MARCHF5: variants seen among roughly 807,000 people sequenced by gnomAD.
The protein encoded by MARCHF5 is membrane associated ring-CH-type finger 5.
In MARCHF5, 5 loss-of-function variants were observed where a neutral mutation model predicts 36.5. The ratio of observed to expected loss-of-function variants is 0.14; its 90% confidence interval spans 0.07 to 0.29. The LOEUF is 0.29. Among genes scored for constraint, MARCHF5 ranks in the 10% least tolerant of loss-of-function variants. The probability of loss-of-function intolerance (pLI) is 1.00; values close to 1 mark genes in which losing one functional copy is unlikely to be tolerated. For synonymous variants in MARCHF5, 103 were observed against 109.9 expected, an observed-to-expected ratio of 0.94 and a Z score of 0.39; for missense variants, 179 against 336.3, an observed-to-expected ratio of 0.53 and a Z score of 3.66.
intron 2 of MARCHF5, among the ~76,000 whole-genome samples, chr10:92,317,512 G>A (rs1410934811): frequency 2.6e-5 from 4 of 151,956 alleles, no homozygotes; most frequent in African/African-American, 9.7e-5. Flanking sequence ...TGTGTAAATG[G>A]AATTGTTTTC....
At chr10:92,308,855 C>T (rs1373174308) in intron 1 of MARCHF5, among the ~76,000 whole-genome samples, 1 of 152,016 alleles carries the variant, frequency 6.6e-6, no homozygotes, top group African/African-American at 2.4e-5. Context: ...CAGACACCCG[C>T]CACCATGCCC....
chr10:92,346,871 A>C (rs1015694177), intron 3 of MARCHF5, among the ~76,000 whole-genome samples: 10 of 152,126 alleles, frequency 6.6e-5, no homozygotes, highest in African/African-American at 2.4e-4. Flanking sequence ...TGTTCGCTCT[A>C]GTCTATACCT....
intron 2 of MARCHF5, among the ~76,000 whole-genome samples, chr10:92,336,058 G>A (rs973518113): frequency 2.6e-5 from 4 of 152,020 alleles, no homozygotes; most frequent in African/African-American, 7.2e-5. Flanking sequence ...TTTCTGAGAC[G>A]GAGTTTCGCT....
chr10:92,340,152 A>G (rs139706496), intron 2 of MARCHF5, among the ~76,000 whole-genome samples: 5 of 152,156 alleles, frequency 3.3e-5, no homozygotes, highest in African/African-American at 4.8e-5. Flanking sequence ...AGCAAGCTGA[A>G]ATGACCATTT....
chr10:92,291,561 GC>G, intron 1 of MARCHF5, 32 bp downstream of exon 1: 1 of 1,520,052 alleles, frequency 6.6e-7, no homozygotes, highest in Non-Finnish European at 8.8e-7. Context: ...ACCGGGAGCC[GC>G]CGACCCTCGC....
At chr10:92,332,381 A>G (rs757044259) in intron 2 of MARCHF5, among the ~76,000 whole-genome samples, 1 of 152,134 alleles carries the variant, frequency 6.6e-6, no homozygotes, top group African/African-American at 2.4e-5. Context: ...CAGAGCAGTC[A>G]ATCAGAGATG....
intron 2 of MARCHF5, among the ~76,000 whole-genome samples, chr10:92,327,364 C>A (rs1053503972): frequency 6.9e-6 from 1 of 144,292 alleles, no homozygotes; most frequent in African/African-American, 2.6e-5. Context: ...AAAAAAAAAA[C>A]TGTGTTCATA....
intron 2 of MARCHF5, among the ~76,000 whole-genome samples, chr10:92,319,297 C>CTTTTTTTTTTTTTTTTT (rs35540447): frequency 7.0e-6 from 1 of 142,388 alleles, no homozygotes; most frequent in East Asian, 2.0e-4. Flanking sequence ...ATCTACTTTA[C>CTTTTTTTTTTTTTTTTT]TTTTTTTTTT....
intron 1 of MARCHF5, among the ~76,000 whole-genome samples, chr10:92,294,076 G>A (rs984709769): frequency 2.6e-5 from 4 of 151,912 alleles, no homozygotes; most frequent in African/African-American, 9.7e-5. Flanking sequence ...TTTCTGTAGG[G>A]TAGAGCCTGG....
chr10:92,334,055 T>G (rs1329072313), intron 2 of MARCHF5, among the ~76,000 whole-genome samples: 1 of 152,150 alleles, frequency 6.6e-6, no homozygotes, highest in Non-Finnish European at 1.5e-5. Context: ...CTAGGTGTGG[T>G]GGCATGTACC....
intron 1 of MARCHF5, among the ~76,000 whole-genome samples, chr10:92,306,087 A>C (rs553306319): frequency 6.6e-6 from 1 of 152,340 alleles, no homozygotes; most frequent in Non-Finnish European, 1.5e-5. Context: ...GTGAGTTAAC[A>C]GTACAAGAAT....
intron 2 of MARCHF5, among the ~76,000 whole-genome samples, chr10:92,319,951 C>CA (rs576145437): frequency 0.019 from 1,315 of 70,966 alleles, 4 homozygotes; most frequent in African/African-American, 0.034. Flanking sequence ...TGCACCTGGC[C>CA]AAAAAAAAAA....
At position 92,320,828 on chromosome 10, in the gene MARCHF5, A is replaced by G. The variant is rs1590656480; in HGVS notation, c.238+9491A>G. On this transcript the variant is annotated intron_variant, in intron 2 of 5. Transcript: ENST00000358935. ...ATAAATTCAGTGTAATAAGTGTACA[A>G]TGTGTATAAAGTCTATAATAGTGTA... Among the ~76,000 whole-genome samples the G allele has an allele frequency of 2.0e-5, 3 of 152,044 alleles. No individual in the cohort carries two copies. In the East Asian group the frequency reaches 5.8e-4, roughly 29 times the overall value.
rs147837810 is a variant in MARCHF5, at chr10:92,297,889, A to G, written c.35+6360A>G. On this transcript the variant is annotated intron_variant, in intron 1 of 5. Coordinates refer to ENST00000358935, the MANE Select transcript of MARCHF5 (RefSeq NM_017824.5). The stretch of plus-strand genomic sequence containing the variant: ...TTGACTTTCATTCCCCTTTCTTGTC[A>G]TTAGCTCTACTGAAAGTGTACTGAA... 1.0e-2 allele frequency among the ~76,000 whole-genome samples: 1,513 copies of G among 151,930 alleles called. 24 individuals carry two copies. Among genetic ancestry groups the G allele is most frequent in the African/African-American group, 0.034 (1,416 of 41,414 alleles).
At chr10:92,299,477 C>T (rs941713096) in intron 1 of MARCHF5, among the ~76,000 whole-genome samples, 3 of 152,132 alleles carry the variant, frequency 2.0e-5, no homozygotes, top group Non-Finnish European at 2.9e-5. Context: ...GCCTTCCTCC[C>T]TCCTAACACC....
rs192030903 is a variant in MARCHF5 at position 92,325,157 on chromosome 10, A to G, written c.238+13820A>G. Among the ~76,000 whole-genome samples, 609 of 152,070 alleles carry G rather than the reference A, an allele frequency of 4.0e-3. 12 individuals are homozygous for G. Among genetic ancestry groups the G allele is most frequent in the East Asian group, 7.7e-4 (4 of 5,174 alleles). ...AGACCAGCCTGAGCAACATAGTGAG[A>G]CCCTGTCTCTACAAAAAAAAAGAAA... On this transcript the variant is annotated intron_variant, in intron 2 of 5. Transcript: ENST00000358935.
intron 1 of MARCHF5, among the ~76,000 whole-genome samples, chr10:92,309,942 C>T (rs924684342): frequency 1.5e-4 from 23 of 152,110 alleles, no homozygotes; most frequent in Non-Finnish European, 7.4e-5. Flanking sequence ...ATGCTACCTA[C>T]GTTCTAATTT....
chr10:92,305,859 G>C (rs964518024), intron 1 of MARCHF5, among the ~76,000 whole-genome samples: 2 of 152,146 alleles, frequency 1.3e-5, no homozygotes, highest in African/African-American at 2.4e-5. Context: ...GAGCCCAGGA[G>C]GTCCAGGCTG....
At chr10:92,320,072 G>A (rs1296412324) in intron 2 of MARCHF5, among the ~76,000 whole-genome samples, 1 of 149,036 alleles carries the variant, frequency 6.7e-6, no homozygotes, top group Non-Finnish European at 1.5e-5. Flanking sequence ...TTTTAATATA[G>A]AGACAGGGTC....
Sources: allele counts gnomAD v4.1 joint callset (sites outside exome capture counted in the v4.1 genomes callset), GRCh38; gene constraint gnomAD v4.1.1; transcripts MANE v1.5; gene names NCBI Gene and HGNC (gene_info 2026-07-23, HGNC 2026-07-21).